Variants in TENM1 observed in about 807,000 individuals in gnomAD.
The protein encoded by TENM1 is teneurin-1.
In TENM1, 35 loss-of-function variants were observed where a neutral mutation model predicts 174.8. That is an observed-to-expected ratio of 0.20 (90% CI 0.15 to 0.27). The LOEUF is 0.27. TENM1 is among the 10% of genes least tolerant of loss of function. The probability of loss-of-function intolerance (pLI) is 1.00; values close to 1 mark genes in which losing one functional copy is unlikely to be tolerated. For missense variants in TENM1, 1,633 were observed against 2,130.1 expected (o/e 0.77, Z 4.59); for synonymous variants, 781 against 798.7 (o/e 0.98, Z 0.37).
At chrX:124,646,962 C>T (rs1157026948) in intron 8 of TENM1, 152 bp from the exon 12 acceptor site, 5 of 411,374 alleles carry the variant, frequency 1.2e-5, no homozygotes, top group Admixed American at 4.5e-5. Flanking sequence ...CATACAAAGA[C>T]ATCTGTAAGA....
the TENM1 span, among the ~76,000 whole-genome samples, chrX:125,176,943 T>A: frequency 8.9e-6 from 1 of 111,966 alleles, no homozygotes; most frequent in Non-Finnish European, 1.9e-5. Flanking sequence ...AGATGTAAGC[T>A]TGGATCAGGC....
At chrX:125,176,824 C>T in the TENM1 span, among the ~76,000 whole-genome samples, 1 of 111,606 alleles carries the variant, frequency 9.0e-6, no homozygotes, top group Admixed American at 9.6e-5. Flanking sequence ...CCTTTTCAAA[C>T]TACTGCTCAG....
chrX:124,995,404 ATTAAT>A, the TENM1 span, among the ~76,000 whole-genome samples: 1 of 111,510 alleles, frequency 9.0e-6, no homozygotes, highest in Non-Finnish European at 1.9e-5. Context: ...TTCAATAAAT[ATTAAT>A]TTAATAAATG....
the TENM1 span, among the ~76,000 whole-genome samples, chrX:125,078,159 G>A: frequency 1.8e-5 from 2 of 111,375 alleles, no homozygotes; most frequent in South Asian, 7.5e-4. Flanking sequence ...GCAGGGAAAT[G>A]GCAGAGGATG....
At chrX:124,643,906 T>G (rs112892218) in intron 10 of TENM1, among the ~76,000 whole-genome samples, 1,447 of 107,584 alleles carry the variant, frequency 0.013, 20 homozygotes, top group African/African-American at 0.047. Context: ...TAACACTGTG[T>G]GGGTCTATAT....
chrX:124,546,922 C>T, exon 15 of TENM1: 2 of 1,211,210 alleles, frequency 1.7e-6, no homozygotes, highest in Non-Finnish European at 2.2e-6. Flanking sequence ...ACTGTCCTTG[C>T]CAATGAGGAA....
At chrX:125,058,805 T>G in the TENM1 span, among the ~76,000 whole-genome samples, 1 of 111,009 alleles carries the variant, frequency 9.0e-6, no homozygotes, top group Non-Finnish European at 1.9e-5. Context: ...GAGAGTGACT[T>G]TCCATTACAA....
At chrX:124,512,020 T>C (rs1226780207) in intron 18 of TENM1, among the ~76,000 whole-genome samples, 1 of 112,278 alleles carries the variant, frequency 8.9e-6, no homozygotes, top group South Asian at 3.7e-4. Flanking sequence ...GAATTGTTTA[T>C]AGCAGAGCTA....
chrX:124,605,980 T>A (rs1432701991), intron 11 of TENM1, among the ~76,000 whole-genome samples: 2 of 111,942 alleles, frequency 1.8e-5, no homozygotes, highest in Non-Finnish European at 1.9e-5. Context: ...GAAATTCGAT[T>A]TTTTCCAAGC....
Position 124,609,896 on chromosome X carries a change from C to T in TENM1, c.2077+31895G>A, listed in dbSNP as rs755755682. ...GTACAGTCACCATAGGAGGTGGATA[C>T]TAAAAATTCAGATATAGATTTTATG... On this transcript the variant is annotated intron_variant, in intron 11 of 31. Transcript: ENST00000422452. Among the ~76,000 whole-genome samples the T allele has an allele frequency of 3.6e-5, 4 of 111,834 alleles. No individual in the cohort carries two copies. In the South Asian group the frequency reaches 1.5e-3, roughly 42 times the overall value.
At chrX:124,876,431 C>G (rs2057202783) in intron 3 of TENM1, among the ~76,000 whole-genome samples, 1 of 111,044 alleles carries the variant, frequency 9.0e-6, no homozygotes, top group Admixed American at 9.6e-5. Flanking sequence ...ATTGCTGGAC[C>G]TTGTGGGCTA....
At chrX:124,723,609 T>G (rs1467413089) in intron 4 of TENM1, among the ~76,000 whole-genome samples, 8 of 100,291 alleles carry the variant, frequency 8.0e-5, no homozygotes, top group Non-Finnish European at 1.4e-4. Context: ...TTTTGTTTTT[T>G]TTTTTTTTTT....
At chrX:124,727,546 TC>T (rs1238832833) in intron 4 of TENM1, among the ~76,000 whole-genome samples, 3 of 111,813 alleles carry the variant, frequency 2.7e-5, no homozygotes, top group Non-Finnish European at 5.6e-5. Context: ...AGGGAACTAT[TC>T]CAGTGCTCTG....
chrX:125,028,829 T>A, the TENM1 span, among the ~76,000 whole-genome samples: 1 of 111,324 alleles, frequency 9.0e-6, no homozygotes, highest in Non-Finnish European at 1.9e-5. Flanking sequence ...GAGGGAAGAA[T>A]GGCATGGGGG....
chrX:124,477,666 C>G (rs931183428), intron 22 of TENM1, among the ~76,000 whole-genome samples: 3 of 107,444 alleles, frequency 2.8e-5, no homozygotes, highest in Non-Finnish European at 5.8e-5. Flanking sequence ...GCAGGAGAAT[C>G]GCTGGAACTC....
At chrX:124,538,383 G>A (rs893008033) in intron 15 of TENM1, among the ~76,000 whole-genome samples, 3 of 111,216 alleles carry the variant, frequency 2.7e-5, no homozygotes, top group Admixed American at 1.9e-4. Flanking sequence ...AAGTAACCAC[G>A]GCCAATCCAA....
At chrX:124,786,657 G>T (rs2055043988) in intron 3 of TENM1, among the ~76,000 whole-genome samples, 1 of 111,983 alleles carries the variant, frequency 8.9e-6, no homozygotes, top group African/African-American at 3.2e-5. Context: ...CACAAAGCAG[G>T]TTTGAAAAAC....
chrX:124,811,920 T>C (rs1290865939), intron 3 of TENM1, among the ~76,000 whole-genome samples: 1 of 111,365 alleles, frequency 9.0e-6, no homozygotes, highest in Non-Finnish European at 1.9e-5. Flanking sequence ...TCTAAAAAAG[T>C]TGATCTCATA....
At chrX:124,404,708 G>A (rs1292290861) in intron 27 of TENM1, among the ~76,000 whole-genome samples, 3 of 111,056 alleles carry the variant, frequency 2.7e-5, no homozygotes, top group African/African-American at 9.8e-5. Context: ...GCTGGGAGGG[G>A]TGCTGGAGGG....
Sources: gnomAD v4.1 joint callset for allele counts (sites outside exome capture counted in the v4.1 genomes callset) on GRCh38, gnomAD v4.1.1 for gene constraint, MANE v1.5 for transcripts, NCBI Gene and HGNC (gene_info 2026-07-23, HGNC 2026-07-21) for gene names.